The following NEBL variants were observed in gnomAD, a reference collection of about 807,000 sequenced individuals.
NEBL encodes the protein nebulette.
A neutral mutation model predicts 140.2 loss-of-function variants in NEBL; 122 were observed. That is an observed-to-expected ratio of 0.87 (90% CI 0.75 to 1.01). The LOEUF is 1.01. Ranked by LOEUF, NEBL falls within the 50% of genes least tolerant of loss-of-function variation. NEBL has a pLI of 0.00. For missense variants in NEBL, 1,365 were observed against 1,231.3 expected, an observed-to-expected ratio of 1.11 and a Z score of -1.62; for synonymous variants, 436 against 398.9, an observed-to-expected ratio of 1.09 and a Z score of -1.11.
chr10:21,208,950 C>G (rs1841872584), intron 3 of NEBL, among the ~76,000 whole-genome samples: 1 of 152,190 alleles, frequency 6.6e-6, no homozygotes, highest in African/African-American at 2.4e-5. Context: ...GTGATAGGAA[C>G]TGAACTATGG....
At chr10:20,794,045 C>G (rs989183451) in intron 26 of NEBL, among the ~76,000 whole-genome samples, 1 of 152,176 alleles carries the variant, frequency 6.6e-6, no homozygotes, top group East Asian at 1.9e-4. Flanking sequence ...GAACCTGGGC[C>G]TCGGGAAGCA....
At chr10:20,920,452 G>C (rs1833527795) in intron 4 of NEBL, among the ~76,000 whole-genome samples, 1 of 152,206 alleles carries the variant, frequency 6.6e-6, no homozygotes, top group African/African-American at 2.4e-5. Flanking sequence ...CACTGGAGCT[G>C]TCAAAATGTA....
At chr10:21,278,262 A>C (rs1214172776) in intron 1 of NEBL, among the ~76,000 whole-genome samples, 1 of 152,130 alleles carries the variant, frequency 6.6e-6, no homozygotes, top group East Asian at 1.9e-4. Flanking sequence ...CCACACAGCA[A>C]GACGCCGTCT....
chr10:20,997,032 C>T (rs773443210), intron 3 of NEBL, among the ~76,000 whole-genome samples: 6 of 152,148 alleles, frequency 3.9e-5, no homozygotes, highest in Non-Finnish European at 8.8e-5. Flanking sequence ...CATTTAGTTT[C>T]AAAAATCCAT....
chr10:21,084,587 A>G (rs1836532354), intron 2 of NEBL, among the ~76,000 whole-genome samples: 2 of 151,664 alleles, frequency 1.3e-5, no homozygotes, highest in Non-Finnish European at 2.9e-5. Context: ...ACGGAGCAAG[A>G]CTCTGTCCCA....
At chr10:21,222,284 CA>C (rs71509092) in intron 3 of NEBL, among the ~76,000 whole-genome samples, 1,916 of 119,954 alleles carry the variant, frequency 0.016, 29 homozygotes, top group African/African-American at 0.043. Context: ...CTGTCTCTAC[CA>C]AAAAAAAAAA....
chr10:20,940,886 G>A (rs1354568796), intron 4 of NEBL, among the ~76,000 whole-genome samples: 2 of 152,152 alleles, frequency 1.3e-5, no homozygotes, highest in Non-Finnish European at 2.9e-5. Flanking sequence ...ACTAAACCAG[G>A]AAGAAGTTGA....
chr10:21,198,007 T>C (rs1191118058), intron 3 of NEBL, among the ~76,000 whole-genome samples: 3 of 151,952 alleles, frequency 2.0e-5, no homozygotes, highest in Non-Finnish European at 4.4e-5. Context: ...TCAGCCACCC[T>C]GCAATCATGA....
At chr10:21,014,808 G>T (rs1209772325) in intron 3 of NEBL, among the ~76,000 whole-genome samples, 1 of 152,136 alleles carries the variant, frequency 6.6e-6, no homozygotes, top group Non-Finnish European at 1.5e-5. Flanking sequence ...CCCAAAAGAT[G>T]TTTAACTATT....
At chr10:21,243,855 G>A (rs904488012) in intron 3 of NEBL, among the ~76,000 whole-genome samples, 1 of 150,780 alleles carries the variant, frequency 6.6e-6, no homozygotes, top group African/African-American at 2.4e-5. Context: ...TTATTCCCAG[G>A]TCCAAATACA....
intron 2 of NEBL, among the ~76,000 whole-genome samples, chr10:21,131,851 G>C (rs1839126274): frequency 6.6e-6 from 1 of 152,152 alleles, no homozygotes; most frequent in Non-Finnish European, 1.5e-5. Flanking sequence ...GGTGCCCAAA[G>C]TGAAATTGGT....
chr10:20,785,792 C>T lies in NEBL; in HGVS notation c.3000G>A (p.Gly1000=), dbSNP rs779648033. ...GWMYGTVQRT[G]RTGMLPANYI... is the part of the protein sequence containing the mutation. ...AATTCGCTGGGAGCATTCCTGTTCT[C>T]CCTGTTCTCTGCACTGTGCCGTACA... The change falls in exon 28 of 28, where the codon GGG becomes GGA. Residue 1000 remains glycine (G), a synonymous_variant. Coordinates refer to ENST00000377122, the MANE Select transcript of NEBL (RefSeq NM_006393.3). 6.2e-7 allele frequency: 1 copy of T among 1,613,888 alleles called. No homozygotes were observed. The highest frequency in any genetic ancestry group is 8.5e-7 in the Non-Finnish European group (1 of 1,179,954).
At chr10:20,870,384 G>A (rs1232243725) in intron 5 of NEBL, among the ~76,000 whole-genome samples, 4 of 143,588 alleles carry the variant, frequency 2.8e-5, no homozygotes, top group Non-Finnish European at 6.1e-5. Context: ...ATAAGACTAA[G>A]ATCAAAGCAC....
intron 3 of NEBL, among the ~76,000 whole-genome samples, chr10:20,982,018 A>G (rs551895023): frequency 2.0e-4 from 30 of 152,298 alleles, no homozygotes; most frequent in African/African-American, 6.3e-4. Context: ...ACATATCTCA[A>G]TGGGTTTTAG....
At chr10:21,127,638 T>G (rs1838902346) in intron 2 of NEBL, among the ~76,000 whole-genome samples, 1 of 151,818 alleles carries the variant, frequency 6.6e-6, no homozygotes, top group South Asian at 2.1e-4. Context: ...AACATGGGGA[T>G]AGAGGCACAA....
chr10:20,931,478 T>C (rs997143181), intron 4 of NEBL, among the ~76,000 whole-genome samples: 1 of 152,110 alleles, frequency 6.6e-6, no homozygotes, highest in African/African-American at 2.4e-5. Context: ...CAAAAAGAAA[T>C]GTTCCTCTAA....
intron 4 of NEBL, among the ~76,000 whole-genome samples, chr10:20,882,403 T>C (rs958908653): frequency 2.0e-5 from 3 of 151,712 alleles, no homozygotes; most frequent in Non-Finnish European, 4.4e-5. Context: ...AGAACAGGCT[T>C]TACCAAGAAC....
intron 4 of NEBL, among the ~76,000 whole-genome samples, chr10:20,916,919 T>A (rs573660236): frequency 1.3e-5 from 2 of 152,322 alleles, no homozygotes; most frequent in East Asian, 3.9e-4. Context: ...ATTTATTGAC[T>A]TTTTTTAGTT....
chr10:21,057,791 G>A (rs1397012973), intron 2 of NEBL, among the ~76,000 whole-genome samples: 1 of 151,962 alleles, frequency 6.6e-6, no homozygotes, highest in African/African-American at 2.4e-5. Flanking sequence ...AAACTCCTGA[G>A]CTCAAGCCAT....
Sources: gnomAD v4.1 joint callset for allele counts (sites outside exome capture counted in the v4.1 genomes callset) on GRCh38, gnomAD v4.1.1 for gene constraint, MANE v1.5 for transcripts, NCBI Gene and HGNC (gene_info 2026-07-23, HGNC 2026-07-21) for gene names.